Variants in TSLP observed in about 807,000 individuals in gnomAD.
The protein encoded by TSLP is thymic stroma-derived lymphopoietin.
In TSLP, 12 loss-of-function variants were observed where a neutral mutation model predicts 12.4. That is an observed-to-expected ratio of 0.97 (90% CI 0.62 to 1.57). The LOEUF (loss-of-function observed/expected upper bound fraction) is 1.57. Ranked by LOEUF, TSLP falls within the 40% of genes most tolerant of loss-of-function variation. TSLP has a pLI of 0.00. For missense variants in TSLP, 222 were observed against 189.6 expected, an observed-to-expected ratio of 1.17 and a Z score of -1.00; for synonymous variants, 97 against 69.5, an observed-to-expected ratio of 1.40 and a Z score of -1.97.
rs771611770 is a variant in TSLP, at chr5:111,073,513, A to C, written c.219A>C (p.Pro73=). 2 of 1,614,088 alleles carry C rather than the reference A, an allele frequency of 1.2e-6. No individual in the cohort carries two copies. Among genetic ancestry groups the C allele is most frequent in the Non-Finnish European group, 1.7e-6 (2 of 1,180,032 alleles). Residue 73 remains proline (P), a splice_region_variant and synonymous_variant, in exon 3 of 4, where the codon CCA becomes CCC. Coordinates refer to ENST00000344895, the MANE Select transcript of TSLP (RefSeq NM_033035.5). ...TAAACTTTGCCGCCTATGAGCAGCC[A>C]CATTGCCTTACTGAAATCCAGAGCC... ...FNNTVSCSNR[P]HCLTEIQSLT...
chr5:111,073,009 T>A (rs1752383626), intron 2 of TSLP, 77 bp downstream of exon 2: 1 of 1,536,574 alleles, frequency 6.5e-7, no homozygotes, highest in Non-Finnish European at 9.0e-7. Flanking sequence ...TCCTGCTACG[T>A]GCAGAACTCC....
upstream of TSLP, chr5:111,071,555 T>C: frequency 1.3e-6 from 2 of 1,529,312 alleles, no homozygotes; most frequent in Non-Finnish European, 1.8e-6. Flanking sequence ...GATGTTAAAA[T>C]TCCATAGATT....
chr5:111,076,003 T>C lies in TSLP; in HGVS notation c.409T>C (p.Cys137Arg), dbSNP rs369166421. Residue 137 changes from cysteine (C) to arginine (R), a missense_variant, in exon 4 of 4, where the codon TGT (cysteine) becomes CGT (arginine). Cys to Arg is a radical substitution (Grantham distance 180, BLOSUM62 -3). Coordinates refer to ENST00000344895, the MANE Select transcript of TSLP (RefSeq NM_033035.5). ...RRKRKVTTNKCLEQVSQLQGL... is the reference protein window; with the variant it reads ...RRKRKVTTNKRLEQVSQLQGL... ...AAAAAGGAAAGTCACAACCAATAAA[T>C]GTCTGGAACAAGTGTCACAATTACA... The C allele has an allele frequency of 2.5e-6, 4 of 1,614,132 alleles. No individual in the cohort carries two copies. Among genetic ancestry groups the C allele is most frequent in the Non-Finnish European group, 3.4e-6 (4 of 1,179,982 alleles).
chr5:111,074,287 CCTGA>C (rs1752429753), intron 3 of TSLP, among the ~76,000 whole-genome samples: 1 of 152,146 alleles, frequency 6.6e-6, no homozygotes, highest in Non-Finnish European at 1.5e-5. Flanking sequence ...AGACAACCTG[CCTGA>C]CTTTGAATCC....
At chr5:111,073,168 G>A in intron 2 of TSLP, 2 of 899,870 alleles carry the variant, frequency 2.2e-6, no homozygotes, top group African/African-American at 1.7e-5. Flanking sequence ...ATTGGGAACT[G>A]GGACGAGGGA....
chr5:111,076,061 T>C lies in TSLP; in HGVS notation c.467T>C (p.Leu156Pro), dbSNP rs1198981821. 4 of 1,613,922 alleles carry C rather than the reference T, an allele frequency of 2.5e-6. No homozygotes were observed. Among genetic ancestry groups the C allele is most frequent in the Non-Finnish European group, 3.4e-6 (4 of 1,179,978 alleles). Residue 156 changes from leucine to proline, a missense_variant, in exon 4 of 4, where the codon CTG (leucine) becomes CCG (proline). By Grantham distance (98) the Leu-to-Pro change is moderately conservative (BLOSUM62 -3). Coordinates refer to ENST00000344895, the MANE Select transcript of TSLP (RefSeq NM_033035.5). The stretch of plus-strand genomic sequence containing the variant: ...TGGCGTCGCTTCAATCGACCTTTAC[T>C]GAAACAACAGTAAACCATCTTTATT... ...GLWRRFNRPL[L>P]KQQ
intron 1 of TSLP, among the ~76,000 whole-genome samples, chr5:111,072,661 G>C (rs1253339084): frequency 6.6e-5 from 10 of 152,122 alleles, no homozygotes; most frequent in Admixed American, 6.6e-4. Context: ...AGGGAAGGGA[G>C]GGGGGAGGTC....
At chr5:111,071,644 C>T, upstream of TSLP, 1 of 1,435,776 alleles carries the variant, frequency 7.0e-7, no homozygotes, top group South Asian at 1.5e-5. Context: ...GGTAGAAAAT[C>T]ATTGGCCTAG....
chr5:111,073,106 A>G (rs374175217), intron 2 of TSLP, among the ~76,000 whole-genome samples, 174 bp downstream of exon 2: 160 of 152,332 alleles, frequency 1.1e-3, no homozygotes, highest in African/African-American at 3.7e-3. Context: ...GCTTGGGACA[A>G]CACTTCTGTT....
Position 111,077,791 on chromosome 5 carries a change from G to A in TSLP, c.*1717G>A, listed in dbSNP as rs10073816. On this transcript the variant is annotated 3_prime_UTR_variant, in exon 4 of 4. Coordinates refer to ENST00000344895, the MANE Select transcript of TSLP (RefSeq NM_033035.5). ...ATAATTTATATATTTTATTCTATGT[G>A]TTCCATAGATATCTTAATGTAAAAT... The A allele has an allele frequency of 0.51, 77,031 of 152,388 alleles. 20,050 individuals carry two copies. Among genetic ancestry groups the A allele is most frequent in the South Asian group, 0.67 (3,205 of 4,812 alleles). 9.4% of individuals were successfully genotyped at this position (152,388 alleles called of 1,614,324 possible).
At position 111,073,632 on chromosome 5, in the gene TSLP, A is replaced by C. The variant is rs746539761; in HGVS notation, c.338A>C (p.Tyr113Ser). ...KAALAIWCPGYSETQINATQA... is the reference protein window; with the variant it reads ...KAALAIWCPGSSETQINATQA... ...GCCTTAGCTATCTGGTGCCCAGGCT[A>C]TTCGGAAACTCAGGTAAGCCCGAAG... The change falls in exon 3 of 4, where the codon TAT becomes TCT. Residue 113 changes from tyrosine (Y) to serine (S), a missense_variant. Tyr to Ser is a moderately radical substitution (Grantham distance 144, BLOSUM62 -2). Transcript: ENST00000344895. 1.2e-6 allele frequency: 2 copies of C among 1,614,170 alleles called. No individual in the cohort carries two copies. The highest frequency in any genetic ancestry group is 2.2e-5 in the East Asian group (1 of 44,884).
chr5:111,075,365 GA>G (rs1402568595), intron 3 of TSLP, among the ~76,000 whole-genome samples: 8 of 152,116 alleles, frequency 5.3e-5, no homozygotes, highest in African/African-American at 1.9e-4. Flanking sequence ...AGATGTCTGT[GA>G]CACATCTAGA....
intron 3 of TSLP, 58 bp from the exon 4 acceptor site, chr5:111,075,888 C>T: frequency 6.3e-7 from 1 of 1,578,064 alleles, no homozygotes; most frequent in Non-Finnish European, 8.6e-7. Context: ...AACCTGCTCT[C>T]AACAGTTACT....
At position 111,071,741 on chromosome 5, in the gene TSLP, G is replaced by T; in HGVS notation, c.-150G>T. Reference sequence around the variant, plus strand: ...AGGGAGACTCCAACTTAAGGCAACAGCATGGGTGAATAAGGGCTTCCTGTG... The same window carrying T: ...AGGGAGACTCCAACTTAAGGCAACATCATGGGTGAATAAGGGCTTCCTGTG... On this transcript the variant is annotated 5_prime_UTR_variant, in exon 1 of 4. Coordinates refer to ENST00000344895, the MANE Select transcript of TSLP (RefSeq NM_033035.5). 1 of 1,231,966 alleles carries T rather than the reference G, an allele frequency of 8.1e-7. No individual in the cohort carries two copies. 76.3% of individuals were successfully genotyped at this position (1,231,966 alleles called of 1,614,324 possible). A position where few individuals can be genotyped will look rare whatever the true frequency, so the allele number is the denominator to read the frequency against.
In TSLP at chr5:111,076,191, A is replaced by G; in HGVS notation, c.*117A>G. On this transcript the variant is annotated 3_prime_UTR_variant, in exon 4 of 4. Coordinates refer to ENST00000344895, the MANE Select transcript of TSLP (RefSeq NM_033035.5). ...CCACAAATAGTTATCTTTTAATTAC[A>G]GAAGAGTTTCTTAACTTACTTTTGT... 8.0e-7 allele frequency: 1 copy of G among 1,242,516 alleles called. No individual in the cohort carries two copies. The highest frequency in any genetic ancestry group is 1.1e-6 in the Non-Finnish European group (1 of 876,906). The allele number at this position is 1,242,516 out of a possible 1,614,324, so 77.0% of individuals were successfully genotyped here.
At chr5:111,073,190 G>C in intron 2 of TSLP, 1 of 1,009,604 alleles carries the variant, frequency 9.9e-7, no homozygotes, top group East Asian at 2.7e-5. Flanking sequence ...CGTTGTTAGG[G>C]GCACCACCTG....
chr5:111,071,679 G>A (rs1752341004), upstream of TSLP: 2 of 1,307,916 alleles, frequency 1.5e-6, no homozygotes, highest in Non-Finnish European at 2.1e-6. Context: ...TAGGCGTTTA[G>A]GTGTTATATA....
Position 111,076,025 on chromosome 5 carries a change from T to TA in TSLP, c.432dup (p.Gln145ThrfsTer37). On this transcript the variant is annotated frameshift_variant, in exon 4 of 4. Coordinates refer to ENST00000344895, the MANE Select transcript of TSLP (RefSeq NM_033035.5). LOFTEE classifies it low-confidence loss of function (END_TRUNC). ...AAATGTCTGGAACAAGTGTCACAAT[T>TA]ACAAGGATTGTGGCGTCGCTTCAAT... 1 of 1,614,124 alleles carries TA rather than the reference T, an allele frequency of 6.2e-7. No homozygotes were observed.
rs1339812461 is a variant in TSLP, at chr5:111,072,936, A to G, written c.216+4A>G. The stretch of plus-strand genomic sequence containing the variant: ...CACCGTCTCTTGTAGCAATCGGGTG[A>G]GTAGAGAGTTCAGTGCTGCTGGCTT... On this transcript the variant is annotated splice_donor_region_variant and intron_variant, in intron 2 of 3. Transcript: ENST00000344895. The G allele has an allele frequency of 5.6e-6, 9 of 1,614,180 alleles. No homozygotes were observed. The highest frequency in any genetic ancestry group is 1.1e-5 in the South Asian group (1 of 91,080).
Sources: gnomAD v4.1 joint callset for allele counts (sites outside exome capture counted in the v4.1 genomes callset) on GRCh38, gnomAD v4.1.1 for gene constraint, MANE v1.5 for transcripts, NCBI Gene and HGNC (gene_info 2026-07-23, HGNC 2026-07-21) for gene names.